The following KCNB2 variants were observed in gnomAD, a reference collection of about 807,000 sequenced individuals.
The protein encoded by KCNB2 is potassium voltage-gated channel subfamily B member 2, also known as delayed rectifier potassium channel protein.
In KCNB2, 15 loss-of-function variants were observed where a neutral mutation model predicts 61.5. The observed-to-expected ratio is 0.24, with a 90% confidence interval of 0.16 to 0.38. The LOEUF (loss-of-function observed/expected upper bound fraction) is 0.38, where lower values mean the gene tolerates loss of function less well. Ranked by LOEUF, KCNB2 falls within the 10% of genes least tolerant of loss-of-function variation. KCNB2 has a pLI of 1.00. For missense variants in KCNB2, 828 were observed against 1,125.2 expected, an observed-to-expected ratio of 0.74 and a Z score of 3.78; for synonymous variants, 457 against 446.0, an observed-to-expected ratio of 1.02 and a Z score of -0.31.
At chr8:72,671,314 T>C (rs1040547133) in intron 2 of KCNB2, among the ~76,000 whole-genome samples, 3 of 152,200 alleles carry the variant, frequency 2.0e-5, no homozygotes, top group Admixed American at 6.5e-5. Context: ...ATTAATAATA[T>C]TGTTGCAAGT....
intron 2 of KCNB2, among the ~76,000 whole-genome samples, chr8:72,844,555 CT>C (rs1350108366): frequency 5.3e-5 from 8 of 152,204 alleles, no homozygotes; most frequent in Non-Finnish European, 8.8e-5. Flanking sequence ...TTCCATTCTC[CT>C]TGTCACTTTC....
intron 2 of KCNB2, among the ~76,000 whole-genome samples, chr8:72,899,315 C>A (rs1406671750): frequency 1.3e-5 from 2 of 152,148 alleles, no homozygotes; most frequent in African/African-American, 4.8e-5. Context: ...TGGAATCATT[C>A]CCCTTGAGGG....
intron 2 of KCNB2, among the ~76,000 whole-genome samples, chr8:72,864,814 T>C (rs561038486): frequency 9.4e-4 from 143 of 152,326 alleles, no homozygotes; most frequent in Non-Finnish European, 9.0e-4. Context: ...TGTGAAGGAA[T>C]AGGAATTGCT....
At chr8:72,659,694 C>A (rs1460213742) in intron 2 of KCNB2, among the ~76,000 whole-genome samples, 1 of 152,170 alleles carries the variant, frequency 6.6e-6, no homozygotes, top group Non-Finnish European at 1.5e-5. Context: ...ACCTTCATAG[C>A]CACCACCCTG....
intron 2 of KCNB2, among the ~76,000 whole-genome samples, chr8:72,715,136 T>A (rs999601062): frequency 5.9e-5 from 9 of 152,116 alleles, no homozygotes; most frequent in African/African-American, 2.2e-4. Context: ...ATGCACCCAA[T>A]ACAGGAGCAC....
chr8:72,855,276 T>C (rs1810188287), intron 2 of KCNB2, among the ~76,000 whole-genome samples: 2 of 152,226 alleles, frequency 1.3e-5, no homozygotes, highest in African/African-American at 2.4e-5. Flanking sequence ...TGGTTTTGCA[T>C]AGAGAGATCT....
chr8:72,542,819 C>T (rs1183142909), intron 1 of KCNB2, among the ~76,000 whole-genome samples: 1 of 152,180 alleles, frequency 6.6e-6, no homozygotes, highest in Non-Finnish European at 1.5e-5. Context: ...CTTCAGGGTT[C>T]TCATTTGGTA....
intron 2 of KCNB2, among the ~76,000 whole-genome samples, chr8:72,754,756 A>C (rs1407041144): frequency 6.6e-6 from 1 of 152,214 alleles, no homozygotes; most frequent in African/African-American, 2.4e-5. Context: ...TGAGCATATA[A>C]AGAACTCTTA....
chr8:72,569,631 T>G (rs1300568330), intron 2 of KCNB2, among the ~76,000 whole-genome samples: 1 of 138,336 alleles, frequency 7.2e-6, no homozygotes, highest in South Asian at 2.3e-4. Flanking sequence ...TCATTTTACT[T>G]GTAAAAAAAA....
chr8:72,578,029 A>G (rs947112816), intron 2 of KCNB2, among the ~76,000 whole-genome samples: 2 of 152,224 alleles, frequency 1.3e-5, no homozygotes, highest in Non-Finnish European at 2.9e-5. Flanking sequence ...TGTATCTGGC[A>G]ACATTTTGTA....
chr8:72,600,602 A>G (rs1585776971), intron 2 of KCNB2, among the ~76,000 whole-genome samples: 1 of 151,642 alleles, frequency 6.6e-6, no homozygotes, highest in African/African-American at 2.4e-5. Context: ...ATAATAATAA[A>G]ATTTAAAAAA....
intron 2 of KCNB2, among the ~76,000 whole-genome samples, chr8:72,810,701 T>C (rs1809293317): frequency 6.6e-6 from 1 of 152,232 alleles, no homozygotes; most frequent in Admixed American, 6.5e-5. Flanking sequence ...CACCCTCCTT[T>C]AGTTACTTCC....
chr8:72,930,261 C>T (rs1329143280), intron 2 of KCNB2, among the ~76,000 whole-genome samples: 5 of 151,604 alleles, frequency 3.3e-5, no homozygotes, highest in African/African-American at 9.7e-5. Flanking sequence ...AATAAACATA[C>T]GTGTGCATGT....
intron 2 of KCNB2, among the ~76,000 whole-genome samples, chr8:72,637,213 T>C (rs56311268): frequency 0.029 from 4,407 of 152,272 alleles, 97 homozygotes; most frequent in Middle Eastern, 0.082. Flanking sequence ...TACTGCACTG[T>C]GTGGCCAGAA....
At chr8:72,619,768 CAGTT>C (rs1265953931) in intron 2 of KCNB2, among the ~76,000 whole-genome samples, 5 of 152,240 alleles carry the variant, frequency 3.3e-5, no homozygotes, top group Admixed American at 3.3e-4. Flanking sequence ...CAGACATGGT[CAGTT>C]AGCTTCAGGT....
chr8:72,614,600 C>T (rs542914747), intron 2 of KCNB2, among the ~76,000 whole-genome samples: 1 of 152,274 alleles, frequency 6.6e-6, no homozygotes, highest in Non-Finnish European at 1.5e-5. Flanking sequence ...TGCTCTTGTT[C>T]TCTGTGCTGA....
intron 2 of KCNB2, among the ~76,000 whole-genome samples, chr8:72,629,398 ATTCTATCT>A (rs1278036246): frequency 6.6e-6 from 1 of 152,202 alleles, no homozygotes; most frequent in Admixed American, 6.5e-5. Context: ...CTGTTCTCTC[ATTCTATCT>A]TTGTTTTACA....
At chr8:72,774,639 G>A (rs865816655) in intron 2 of KCNB2, among the ~76,000 whole-genome samples, 12 of 152,044 alleles carry the variant, frequency 7.9e-5, no homozygotes, top group South Asian at 2.1e-4. Context: ...ATGAACCACC[G>A]CACCCAGCCC....
intron 1 of KCNB2, among the ~76,000 whole-genome samples, chr8:72,539,366 C>T (rs1298038418): frequency 6.6e-6 from 1 of 152,150 alleles, no homozygotes; most frequent in Non-Finnish European, 1.5e-5. Context: ...GAAAAGTATC[C>T]TTATCACCTA....
Sources: gnomAD v4.1 joint callset for allele counts (sites outside exome capture counted in the v4.1 genomes callset) on GRCh38, gnomAD v4.1.1 for gene constraint, MANE v1.5 for transcripts, NCBI Gene and HGNC (gene_info 2026-07-23, HGNC 2026-07-21) for gene names.